Variants in BCAS3 observed in about 807,000 individuals in gnomAD.
BCAS3 encodes BCAS3 microtubule associated cell migration factor.
Under a neutral mutation model 116.1 loss-of-function variants are expected in BCAS3, and 53 were observed. The observed-to-expected ratio is 0.46, with a 90% CI of 0.37 to 0.57. BCAS3 has a LOEUF of 0.57. BCAS3 is among the 20% of genes least tolerant of loss of function. BCAS3 has a pLI of 0.00. For missense variants in BCAS3, 917 were observed against 1,165.4 expected (o/e 0.79, Z 3.10); for synonymous variants, 391 against 408.2 (o/e 0.96, Z 0.51).
At chr17:60,790,852 T>G (rs2046709709) in intron 6 of BCAS3, among the ~76,000 whole-genome samples, 1 of 150,266 alleles carries the variant, frequency 6.7e-6, no homozygotes, top group Non-Finnish European at 1.5e-5. Context: ...TAAGCAATTC[T>G]CCTACCTCAG....
In BCAS3 at chr17:61,300,810, C is replaced by G. The variant is rs2053369002; in HGVS notation, c.2426-67517C>G. On this transcript the variant is annotated intron_variant, in intron 22 of 23. Coordinates refer to ENST00000407086, the MANE Select transcript of BCAS3 (RefSeq NM_017679.5). This position sits in a 1 kb window ranked among gnomAD's most constrained non-coding sequence, Gnocchi z 5.1. ...CTACACTCTGATTTTGTTCCAGCAG[C>G]TTTCCTCCTCCCTCCCTCTTCTAGC... 6.6e-6 allele frequency among the ~76,000 whole-genome samples: 1 copy of G among 152,160 alleles called. No individual in the cohort carries two copies.
In BCAS3 at chr17:61,141,587, C is replaced by T. The variant is rs150392111; in HGVS notation, c.2425+57023C>T. Among the ~76,000 whole-genome samples the T allele has an allele frequency of 1.3e-5, 2 of 151,654 alleles. No homozygotes were observed. The highest frequency in any genetic ancestry group is 2.9e-5 in the Non-Finnish European group (2 of 67,942). On this transcript the variant is annotated intron_variant, in intron 22 of 23. Transcript: ENST00000407086. This position sits in a 1 kb window ranked among gnomAD's most constrained non-coding sequence, Gnocchi z 4.3. ...AATAAAATAAAAGTTGAATCACCCA[C>T]GTTTTAGATTATGAGCTTATTAAAA...
At chr17:60,713,138 G>A (rs1029182822) in intron 5 of BCAS3, among the ~76,000 whole-genome samples, 17 of 152,186 alleles carry the variant, frequency 1.1e-4, no homozygotes, top group Non-Finnish European at 1.9e-4. Flanking sequence ...TGAGGGAGAA[G>A]CAGGAGAACA....
intron 14 of BCAS3, among the ~76,000 whole-genome samples, chr17:60,981,027 G>A (rs1261090145): frequency 6.6e-6 from 1 of 151,834 alleles, no homozygotes; most frequent in African/African-American, 2.4e-5. Flanking sequence ...GTAGAGACAG[G>A]TCCTTGCTAT....
In BCAS3 at chr17:61,307,118, C is replaced by G. The variant is rs1348788286; in HGVS notation, c.2426-61209C>G. On this transcript the variant is annotated intron_variant, in intron 22 of 23. Transcript: ENST00000407086. The surrounding 1 kb of genome is among the most constrained non-coding windows in gnomAD (Gnocchi z 4.7). Reference sequence around the variant, plus strand: ...CCTTCAAGTTTTCTTTTACTGCTTCCCCACAAACCGTAGAATGAGAAAAGG... The same window carrying G: ...CCTTCAAGTTTTCTTTTACTGCTTCGCCACAAACCGTAGAATGAGAAAAGG... Among the ~76,000 whole-genome samples the G allele has an allele frequency of 6.6e-6, 1 of 152,158 alleles. No homozygotes were observed. The highest frequency in any genetic ancestry group is 1.5e-5 in the Non-Finnish European group (1 of 68,036).
At chr17:61,212,028 T>C (rs943899428) in intron 22 of BCAS3, among the ~76,000 whole-genome samples, 8 of 152,244 alleles carry the variant, frequency 5.3e-5, no homozygotes, top group Non-Finnish European at 8.8e-5. Flanking sequence ...TCTGTAAGGC[T>C]ATGAGGAGAA....
At chr17:60,881,262 C>G (rs1360642561) in intron 9 of BCAS3, among the ~76,000 whole-genome samples, 1 of 152,162 alleles carries the variant, frequency 6.6e-6, no homozygotes, top group African/African-American at 2.4e-5. Flanking sequence ...GCGTGAGCCA[C>G]CGCACCTGGC....
chr17:61,323,229 T>G lies in BCAS3; in HGVS notation c.2426-45098T>G, dbSNP rs2055453320. Among the ~76,000 whole-genome samples, 1 of 152,158 alleles carries G rather than the reference T, an allele frequency of 6.6e-6. No individual in the cohort carries two copies. Among genetic ancestry groups the G allele is most frequent in the Admixed American group, 6.5e-5 (1 of 15,284 alleles). The stretch of plus-strand genomic sequence containing the variant: ...AGGCTTTTAAAAATGAGAAGACTTT[T>G]GTCTAGAGCCCAAACTTCCCCAGGG... On this transcript the variant is annotated intron_variant, in intron 22 of 23. Transcript: ENST00000407086. The surrounding 1 kb of genome is among the most constrained non-coding windows in gnomAD (Gnocchi z 4.6).
chr17:60,945,909 A>G (rs990364671), intron 13 of BCAS3, among the ~76,000 whole-genome samples: 18 of 151,926 alleles, frequency 1.2e-4, no homozygotes, highest in African/African-American at 3.9e-4. Context: ...TCATGAGGTC[A>G]GGAGATCGAG....
chr17:60,770,301 A>G (rs1007784967), intron 6 of BCAS3, among the ~76,000 whole-genome samples: 1 of 149,596 alleles, frequency 6.7e-6, no homozygotes, highest in South Asian at 2.1e-4. Flanking sequence ...TTCTCTGTCC[A>G]TGAGCTTTCC....
intron 22 of BCAS3, among the ~76,000 whole-genome samples, chr17:61,306,581 A>G (rs2053872692): frequency 6.6e-6 from 1 of 152,110 alleles, no homozygotes; most frequent in Admixed American, 6.5e-5. Flanking sequence ...GTTCAAGACA[A>G]GTCTCGGCAA....
At chr17:60,752,981 A>C (rs1453706807) in intron 6 of BCAS3, among the ~76,000 whole-genome samples, 1 of 152,002 alleles carries the variant, frequency 6.6e-6, no homozygotes, top group Non-Finnish European at 1.5e-5. Flanking sequence ...AATACCTAGG[A>C]CTACAGGCAC....
intron 7 of BCAS3, chr17:60,811,316 C>CATCTTCCAGCAGG: frequency 1.4e-6 from 1 of 730,678 alleles, no homozygotes; most frequent in Non-Finnish European, 2.4e-6. Context: ...CTACTGTCAC[C>CATCTTCCAGCAGG]TGCTGGAAGA....
At chr17:60,915,345 C>T (rs909970115) in intron 12 of BCAS3, among the ~76,000 whole-genome samples, 7 of 152,088 alleles carry the variant, frequency 4.6e-5, no homozygotes, top group Non-Finnish European at 1.0e-4. Context: ...TTTGTTTAAC[C>T]TGCATTCATT....
intron 22 of BCAS3, among the ~76,000 whole-genome samples, chr17:61,338,070 G>A (rs754468872): frequency 2.6e-5 from 4 of 152,144 alleles, no homozygotes; most frequent in East Asian, 3.8e-4. Context: ...CCCTGGGCCC[G>A]GCTTATGTTA....
chr17:61,299,510 G>A (rs538561662), intron 22 of BCAS3, among the ~76,000 whole-genome samples: 21 of 150,934 alleles, frequency 1.4e-4, no homozygotes, highest in South Asian at 6.3e-4. Flanking sequence ...GGGATAAGGC[G>A]TTTAAATAAA....
rs2058739165 is a variant in BCAS3 at position 61,366,453 on chromosome 17, G to A, written c.2426-1874G>A. On this transcript the variant is annotated intron_variant, in intron 22 of 23. Transcript: ENST00000407086. This position sits in a 1 kb window ranked among gnomAD's most constrained non-coding sequence, Gnocchi z 4.5. ...ATCAGAAGCTTAGTGGATGTCAGCA[G>A]TCCTGTGTGTCCCTGGGGAGCTAGG... Among the ~76,000 whole-genome samples, 1 of 152,238 alleles carries A rather than the reference G, an allele frequency of 6.6e-6. No individual in the cohort carries two copies. The highest frequency in any genetic ancestry group is 1.5e-5 in the Non-Finnish European group (1 of 68,036).
intron 6 of BCAS3, among the ~76,000 whole-genome samples, chr17:60,769,695 G>T (rs1040339511): frequency 3.3e-5 from 5 of 152,188 alleles, no homozygotes; most frequent in Non-Finnish European, 4.4e-5. Flanking sequence ...GTGTGTGAAG[G>T]TGCCCTGCCT....
chr17:61,204,703 G>T lies in BCAS3; in HGVS notation c.2425+120139G>T, dbSNP rs768273879. Among the ~76,000 whole-genome samples the T allele has an allele frequency of 5.3e-5, 8 of 152,030 alleles. No homozygotes were observed. The highest frequency in any genetic ancestry group is 1.0e-4 in the Non-Finnish European group (7 of 68,004). The stretch of plus-strand genomic sequence containing the variant: ...ATTGCTCAGTCTTTACCTTGGCGGA[G>T]AATGAAAAACTGCCTTGGAACTTAT... On this transcript the variant is annotated intron_variant, in intron 22 of 23. Coordinates refer to ENST00000407086, the MANE Select transcript of BCAS3 (RefSeq NM_017679.5). This position sits in a 1 kb window ranked among gnomAD's most constrained non-coding sequence, Gnocchi z 4.2.
Sources: allele counts gnomAD v4.1 joint callset (sites outside exome capture counted in the v4.1 genomes callset), GRCh38; gene constraint gnomAD v4.1.1; non-coding constraint Gnocchi (gnomAD v3.1); transcripts MANE v1.5; gene names NCBI Gene and HGNC (gene_info 2026-07-23, HGNC 2026-07-21).